The following NPLOC4 variants were observed in gnomAD, a reference collection of about 807,000 sequenced individuals.
The protein encoded by NPLOC4 is nuclear protein localization protein 4 homolog.
NPLOC4 carries 18 observed loss-of-function variants against 80.6 expected under a neutral mutation model. That is an observed-to-expected ratio of 0.22 (90% confidence interval 0.15 to 0.33). The LOEUF is 0.33. NPLOC4 is among the 10% of genes least tolerant of loss of function. The pLI, the probability that NPLOC4 is intolerant of heterozygous loss-of-function variation, is 1.00. For synonymous variants in NPLOC4, 313 were observed against 301.5 expected (o/e 1.04, Z -0.39); for missense variants, 540 against 786.1 (o/e 0.69, Z 3.74).
chr17:81,570,507 G>A (rs1240884887), intron 13 of NPLOC4, among the ~76,000 whole-genome samples: 1 of 152,196 alleles, frequency 6.6e-6, no homozygotes, highest in Admixed American at 6.5e-5. Flanking sequence ...ACTGACGGGG[G>A]CTCTTGCTGG....
intron 12 of NPLOC4, among the ~76,000 whole-genome samples, chr17:81,581,450 TCAAGAGGCTC>T (rs1422152943): frequency 1.1e-4 from 17 of 149,156 alleles, no homozygotes; most frequent in Non-Finnish European, 4.4e-5. Context: ...TTACTTGTCC[TCAAGAGGCTC>T]CCTCAAACCC....
intron 16 of NPLOC4, chr17:81,565,226 G>A: frequency 1.5e-6 from 1 of 652,060 alleles, no homozygotes. Context: ...GTGCTCCTAG[G>A]ATGCCTGGAG....
At chr17:81,561,931 A>G (rs2033863400) in intron 16 of NPLOC4, 1 of 152,086 alleles carries the variant, frequency 6.6e-6, no homozygotes, top group Non-Finnish European at 1.5e-5. Flanking sequence ...CATTAGGCCT[A>G]TGACCCATCC....
chr17:81,630,840 G>A (rs2035909617), intron 1 of NPLOC4, among the ~76,000 whole-genome samples: 4 of 152,018 alleles, frequency 2.6e-5, no homozygotes. Context: ...TGGTGCCACT[G>A]CACTCCAGCA....
chr17:81,611,111 G>C (rs1405428739), intron 4 of NPLOC4, among the ~76,000 whole-genome samples: 1 of 152,054 alleles, frequency 6.6e-6, no homozygotes, highest in Non-Finnish European at 1.5e-5. Context: ...CCTGAGGTCA[G>C]GAGTTAAAGA....
In NPLOC4 at chr17:81,596,254, G is replaced by GA. The variant is rs1199204170; in HGVS notation, c.994-13dup. ...AGGAAATAGGTGTCCTAAGACAAGA[G>GA]AAGCAGCCTATCAAATTTTACAGCA... On this transcript the variant is annotated splice_polypyrimidine_tract_variant and intron_variant, in intron 10 of 16. Transcript: ENST00000331134. 1.3e-6 allele frequency: 2 copies of GA among 1,597,650 alleles called. No individual in the cohort carries two copies. Among genetic ancestry groups the GA allele is most frequent in the Non-Finnish European group, 8.5e-7 (1 of 1,170,420 alleles).
At chr17:81,599,669 C>T (rs1280796669) in intron 9 of NPLOC4, among the ~76,000 whole-genome samples, 1 of 152,086 alleles carries the variant, frequency 6.6e-6, no homozygotes. Context: ...ACATTAAACT[C>T]GTAAGATATG....
At chr17:81,561,061 G>A (rs1470064783) in intron 16 of NPLOC4, among the ~76,000 whole-genome samples, 3 of 152,038 alleles carry the variant, frequency 2.0e-5, no homozygotes, top group Non-Finnish European at 2.9e-5. Context: ...GGGTTCAAGC[G>A]ATTCTCCTAC....
At chr17:81,623,464 C>A (rs1228248923) in intron 2 of NPLOC4, among the ~76,000 whole-genome samples, 672 of 82,570 alleles carry the variant, frequency 8.1e-3, no homozygotes, top group Non-Finnish European at 9.5e-3. Flanking sequence ...GACTTTGTTT[C>A]AAAAAAAAAA....
intron 1 of NPLOC4, among the ~76,000 whole-genome samples, chr17:81,632,030 G>GCTCACTGCAACCTCCA (rs1199123054): frequency 7.1e-4 from 108 of 151,748 alleles, no homozygotes; most frequent in African/African-American, 2.5e-3. Flanking sequence ...CGCAATCTCG[G>GCTCACTGCAACCTCCA]CTCACTGCAA....
chr17:81,631,437 T>TATATATATATATA (rs200897859), intron 1 of NPLOC4, among the ~76,000 whole-genome samples: 2,078 of 42,334 alleles, frequency 0.049, 30 homozygotes, highest in Middle Eastern at 0.078. Context: ...TATATATATA[T>TATATATATATATA]TTTTTTTTTT....
At chr17:81,570,956 G>A (rs2034146070) in intron 13 of NPLOC4, among the ~76,000 whole-genome samples, 2 of 152,198 alleles carry the variant, frequency 1.3e-5, no homozygotes, top group African/African-American at 2.4e-5. Flanking sequence ...GGAAAGAAGT[G>A]GGGAGGCTGC....
rs1394497030 is a variant in NPLOC4 at position 81,580,202 on chromosome 17, G to A, written c.1282-8114C>T. ...ACCACCCCAACACCATCTGTACCAT[G>A]TGCCTCTCCCAAGCAATGCGCTCAC... On this transcript the variant is annotated intron_variant, in intron 12 of 16. Coordinates refer to ENST00000331134, the MANE Select transcript of NPLOC4 (RefSeq NM_017921.4). This position sits in a 1 kb window ranked among gnomAD's most constrained non-coding sequence, Gnocchi z 4.4. Among the ~76,000 whole-genome samples, 1 of 152,128 alleles carries A rather than the reference G, an allele frequency of 6.6e-6. No homozygotes were observed. Among genetic ancestry groups the A allele is most frequent in the Non-Finnish European group, 1.5e-5 (1 of 68,024 alleles).
intron 16 of NPLOC4, chr17:81,564,171 A>C: frequency 4.3e-6 from 1 of 232,216 alleles, no homozygotes; most frequent in South Asian, 3.8e-5. Context: ...TACCTGGGTG[A>C]TGTGATCAAT....
Position 81,559,378 on chromosome 17 carries a change from C to T in NPLOC4, c.1708G>A (p.Gly570Ser), listed in dbSNP as rs765749847. The T allele has an allele frequency of 1.1e-5, 18 of 1,610,020 alleles. No individual in the cohort carries two copies. The highest frequency in any genetic ancestry group is 1.4e-5 in the Non-Finnish European group (16 of 1,178,480). The change falls in exon 17 of 17, where the codon GGC (glycine) becomes AGC (serine). Residue 570 changes from glycine (G) to serine (S), a missense_variant. This residue lies in a region of NPLOC4 where 87 missense variants were observed against 70.3 expected (regional missense o/e 1.24). Transcript: ENST00000331134. ...GGQLPGLHEYGAVGGSTHTAT... is the reference protein window; with the variant it reads ...GGQLPGLHEYSAVGGSTHTAT... ...GTGTGTGTGGAGCCCCCGACGGCGC[C>T]GTACTCATGGAGACCTGGGAGCTGC...
intron 2 of NPLOC4, 23 bp downstream of exon 2, chr17:81,629,702 G>T (rs778776677): frequency 6.4e-7 from 1 of 1,555,210 alleles, no homozygotes; most frequent in Non-Finnish European, 8.9e-7. Context: ...TATCCTGAGG[G>T]TCAATACCCA....
At chr17:81,576,302 T>G (rs1026909779) in intron 12 of NPLOC4, among the ~76,000 whole-genome samples, 1 of 152,200 alleles carries the variant, frequency 6.6e-6, no homozygotes, top group Non-Finnish European at 1.5e-5. Context: ...AGAATTACAG[T>G]TGGCCGTTGC....
In NPLOC4 at chr17:81,557,360, TTCC is replaced by T. The variant is rs2033673085; in HGVS notation, c.*1896_*1898del. On this transcript the variant is annotated 3_prime_UTR_variant, in exon 17 of 17. Transcript: ENST00000331134. Reference sequence around the variant, plus strand: ...AGAATCAGACAAATCGCCAATGCTTTTCCTTTAGCTAAAAGACAAAAGAAAACA... The same window carrying T: ...AGAATCAGACAAATCGCCAATGCTTTTTTAGCTAAAAGACAAAAGAAAACA... The T allele has an allele frequency of 6.6e-6, 1 of 152,516 alleles. No homozygotes were observed. The highest frequency in any genetic ancestry group is 6.5e-5 in the Admixed American group (1 of 15,286). 9.4% of individuals were successfully genotyped at this position (152,516 alleles called of 1,614,324 possible).
chr17:81,576,133 C>G (rs543928621), intron 12 of NPLOC4, among the ~76,000 whole-genome samples: 1 of 152,308 alleles, frequency 6.6e-6, no homozygotes, highest in Non-Finnish European at 1.5e-5. Context: ...TTACAATGAA[C>G]AGTGGGACTA....
Sources: allele counts gnomAD v4.1 joint callset (sites outside exome capture counted in the v4.1 genomes callset), GRCh38; gene constraint gnomAD v4.1.1; regional missense constraint gnomAD v4.1.1; non-coding constraint Gnocchi (gnomAD v3.1); transcripts MANE v1.5; gene names NCBI Gene and HGNC (gene_info 2026-07-23, HGNC 2026-07-21).